PRKAR1A: variants seen among roughly 807,000 people sequenced by gnomAD.
The protein encoded by PRKAR1A is protein kinase cAMP-dependent type I regulatory subunit alpha, also known as cAMP-dependent protein kinase type I-alpha regulatory subunit.
PRKAR1A carries 3 observed loss-of-function variants against 52.0 expected under a neutral mutation model. The ratio of observed to expected loss-of-function variants is 0.06; its 90% CI spans 0.03 to 0.15. The LOEUF (loss-of-function observed/expected upper bound fraction) is 0.15. Among genes scored for constraint, PRKAR1A ranks in the 10% least tolerant of loss-of-function variants. The probability of loss-of-function intolerance (pLI) is 1.00; values close to 1 mark genes in which losing one functional copy is unlikely to be tolerated. For synonymous variants in PRKAR1A, 188 were observed against 168.4 expected, an observed-to-expected ratio of 1.12 and a Z score of -0.90; for missense variants, 240 against 477.4, an observed-to-expected ratio of 0.50 and a Z score of 4.63.
chr17:68,494,860 C>A, the PRKAR1A span, among the ~76,000 whole-genome samples: 1 of 152,170 alleles, frequency 6.6e-6, no homozygotes, highest in Non-Finnish European at 1.5e-5. Flanking sequence ...CCTAGCTGGG[C>A]CTGCCAAATG....
chr17:68,475,159 C>A, the PRKAR1A span, among the ~76,000 whole-genome samples: 1 of 152,240 alleles, frequency 6.6e-6, no homozygotes, highest in East Asian at 1.9e-4. Context: ...AAATTCTCAG[C>A]CAGCTGGGAA....
chr17:68,422,012 G>C, the PRKAR1A span: 2 of 627,790 alleles, frequency 3.2e-6, no homozygotes, highest in Non-Finnish European at 5.7e-6. Context: ...GTATGACACA[G>C]TTCTAGAAAA....
rs1445478223 is a variant in PRKAR1A, at chr17:68,533,094, T to C, written c.*2645T>C. 9.4e-7 allele frequency: 1 copy of C among 1,065,346 alleles called. No homozygotes were observed. The highest frequency in any genetic ancestry group is 1.1e-6 in the Non-Finnish European group (1 of 879,346). The allele number at this position is 1,065,346 out of a possible 1,614,324, so 66.0% of individuals were successfully genotyped here. Reference sequence around the variant, plus strand: ...CTTTCCCAGACTTAATGGGGAAACATCATTTCTAGATTAGCATACTCTTTG... The same window carrying C: ...CTTTCCCAGACTTAATGGGGAAACACCATTTCTAGATTAGCATACTCTTTG... On this transcript the variant is annotated 3_prime_UTR_variant, in exon 11 of 11. Coordinates refer to ENST00000589228, the MANE Select transcript of PRKAR1A (RefSeq NM_002734.5).
the PRKAR1A span, among the ~76,000 whole-genome samples, chr17:68,456,956 C>T: frequency 6.6e-6 from 1 of 151,956 alleles, no homozygotes; most frequent in Non-Finnish European, 1.5e-5. Flanking sequence ...CAACTTGCAA[C>T]TTCCTCTCCT....
chr17:68,426,254 G>GGGCCGCCCCCCCCC, the PRKAR1A span: 1 of 816,924 alleles, frequency 1.2e-6, no homozygotes, highest in Non-Finnish European at 1.9e-6. Context: ...GGGAGCGGGG[G>GGGCCGCCCCCCCCC]CTCAAATAAA....
rs748042234 is a variant in PRKAR1A at position 68,543,744 on chromosome 17, G to A, written c.974-7340G>A. The A allele has an allele frequency of 1.1e-5, 17 of 1,595,216 alleles. No individual in the cohort carries two copies. The African/African-American group carries it at 1.2e-4, about 11-fold the overall frequency. ...TGTCTGGAAGGAAGGAAGGAATCAC[G>A]CCCTGGACTCAGACTTCAGCTGGGA... On this transcript the variant is annotated intron_variant, in intron 11 of 11. Transcript: ENST00000585981.
chr17:68,479,539 G>A, the PRKAR1A span, among the ~76,000 whole-genome samples: 33,493 of 151,960 alleles, frequency 0.22, 3,910 homozygotes, highest in South Asian at 0.25. Context: ...TTTTCATTGA[G>A]AATATGTTAT....
the PRKAR1A span, among the ~76,000 whole-genome samples, chr17:68,423,191 T>G: frequency 6.6e-6 from 1 of 152,200 alleles, no homozygotes; most frequent in Non-Finnish European, 1.5e-5. This position sits in a 1 kb window ranked among gnomAD's most constrained non-coding sequence, Gnocchi z 4.4. Flanking sequence ...AAGATGTGAA[T>G]TCTGCACAGA....
chr17:68,458,767 T>A, the PRKAR1A span, among the ~76,000 whole-genome samples: 2 of 152,232 alleles, frequency 1.3e-5, no homozygotes, highest in African/African-American at 4.8e-5. Flanking sequence ...TAACTGCTGA[T>A]GGATTTTTAA....
chr17:68,541,274 A>G (rs2086279578), intron 11 of PRKAR1A: 1 of 386,700 alleles, frequency 2.6e-6, no homozygotes, highest in Non-Finnish European at 4.9e-6. Context: ...GTCCCTCCAC[A>G]GTCCCTCTCA....
the PRKAR1A span, among the ~76,000 whole-genome samples, chr17:68,476,438 A>G: frequency 6.6e-6 from 1 of 152,104 alleles, no homozygotes; most frequent in South Asian, 2.1e-4. Flanking sequence ...ATATATGCAC[A>G]TTGTTCAAAA....
the PRKAR1A span, among the ~76,000 whole-genome samples, chr17:68,429,832 G>C: frequency 1.3e-5 from 2 of 152,122 alleles, no homozygotes; most frequent in Non-Finnish European, 2.9e-5. Context: ...CAGATGATCT[G>C]CCTGCCTTGG....
the PRKAR1A span, chr17:68,457,532 G>T: frequency 1.7e-5 from 4 of 232,894 alleles, no homozygotes; most frequent in African/African-American, 3.0e-4. Context: ...CCCCTACCCC[G>T]CCCCGTCCCC....
the PRKAR1A span, chr17:68,427,121 C>G: frequency 1.9e-6 from 3 of 1,608,662 alleles, no homozygotes; most frequent in Non-Finnish European, 2.6e-6. Flanking sequence ...CCTGTTGGCC[C>G]CGTGTCCACC....
chr17:68,416,791 A>T, the PRKAR1A span, among the ~76,000 whole-genome samples: 1 of 59,236 alleles, frequency 1.7e-5, no homozygotes, highest in Non-Finnish European at 5.4e-5. Flanking sequence ...TTGCATTACT[A>T]GAAGTATGTC....
chr17:68,529,809 T>G, intron 9 of PRKAR1A, 111 bp from the exon 10 acceptor site: 1 of 1,036,552 alleles, frequency 9.6e-7, no homozygotes, highest in South Asian at 1.3e-5. Context: ...AAAGTCATTT[T>G]TTATCATATG....
the PRKAR1A span, among the ~76,000 whole-genome samples, chr17:68,477,495 T>C: frequency 6.6e-6 from 1 of 152,222 alleles, no homozygotes; most frequent in African/African-American, 2.4e-5. Flanking sequence ...CAGATCTTTT[T>C]CCAAACTCTT....
At chr17:68,540,844 C>T in intron 11 of PRKAR1A, 2 of 1,593,644 alleles carry the variant, frequency 1.3e-6, no homozygotes, top group Non-Finnish European at 1.7e-6. Flanking sequence ...CGTGTGGGGA[C>T]CTACCTATCA....
At chr17:68,517,643 A>G (rs2085475032) in intron 2 of PRKAR1A, among the ~76,000 whole-genome samples, 1 of 152,196 alleles carries the variant, frequency 6.6e-6, no homozygotes. Context: ...CTCAGGGCAC[A>G]TAGGGATTAT....
Sources: allele counts gnomAD v4.1 joint callset (sites outside exome capture counted in the v4.1 genomes callset), GRCh38; gene constraint gnomAD v4.1.1; non-coding constraint Gnocchi (gnomAD v3.1); transcripts MANE v1.5; gene names NCBI Gene and HGNC (gene_info 2026-07-23, HGNC 2026-07-21).